The following ZNF837 variants were observed in gnomAD, a reference collection of about 807,000 sequenced individuals.
ZNF837 encodes the protein zinc finger protein 837.
For synonymous variants in ZNF837, 475 were observed against 365.2 expected, an observed-to-expected ratio of 1.30 and a Z score of -3.43; for missense variants, 955 against 801.7, an observed-to-expected ratio of 1.19 and a Z score of -2.31.
intron 1 of ZNF837, among the ~76,000 whole-genome samples, chr19:58,377,214 C>CAAAAAAA (rs59075033): frequency 1.1e-5 from 1 of 95,046 alleles, no homozygotes; most frequent in Non-Finnish European, 2.0e-5. Context: ...GAGACTCCGT[C>CAAAAAAA]AAAAAAAAAA....
chr19:58,375,870 G>A (rs1285923472), intron 1 of ZNF837, among the ~76,000 whole-genome samples: 1 of 151,592 alleles, frequency 6.6e-6, no homozygotes, highest in Non-Finnish European at 1.5e-5. Flanking sequence ...CTGGTCACAC[G>A]AAAGCACTGC....
At chr19:58,375,987 C>T (rs897907496) in intron 1 of ZNF837, among the ~76,000 whole-genome samples, 5 of 151,960 alleles carry the variant, frequency 3.3e-5, no homozygotes, top group South Asian at 2.1e-4. Context: ...GACACAATCT[C>T]GGCTCACTGC....
At chr19:58,371,897 A>G (rs987599256) in intron 1 of ZNF837, among the ~76,000 whole-genome samples, 6 of 146,276 alleles carry the variant, frequency 4.1e-5, no homozygotes, top group Non-Finnish European at 9.0e-5. Flanking sequence ...AATTTTTTGT[A>G]TTTTTAGTAG....
intron 1 of ZNF837, among the ~76,000 whole-genome samples, chr19:58,372,152 T>A (rs963874301): frequency 6.6e-6 from 1 of 152,082 alleles, no homozygotes; most frequent in African/African-American, 2.4e-5. Context: ...CCTCCTGGGT[T>A]CAAGCAATTC....
chr19:58,376,653 A>C (rs917840652), intron 1 of ZNF837, among the ~76,000 whole-genome samples: 1 of 151,856 alleles, frequency 6.6e-6, no homozygotes, highest in African/African-American at 2.4e-5. Context: ...TCTAGGTAAA[A>C]ATAAAATAAT....
chr19:58,369,599 C>G (rs2052181672), intron 2 of ZNF837: 1 of 353,278 alleles, frequency 2.8e-6, no homozygotes, highest in Non-Finnish European at 5.1e-6. Context: ...CACCGTTCCT[C>G]CCCAACACTA....
intron 1 of ZNF837, among the ~76,000 whole-genome samples, chr19:58,374,060 G>C (rs1324006758): frequency 6.6e-6 from 1 of 152,188 alleles, no homozygotes; most frequent in Non-Finnish European, 1.5e-5. Context: ...TGGCAAAAAA[G>C]AGGAAAGTAC....
In ZNF837 at chr19:58,368,661, G is replaced by C; in HGVS notation, c.672C>G (p.Pro224=). ...PQERLQATEE[P]RPCARCGKRF... ...GCTTCCCGCACCGGGCACACGGACG[G>C]GGCTCCTCCGTCGCCTGCAGCCTCT... Residue 224 remains proline (P), a synonymous_variant, in exon 3 of 3, where the codon CCC becomes CCG. Coordinates refer to ENST00000597582, the MANE Select transcript of ZNF837 (RefSeq NM_138466.2). 2.0e-6 allele frequency: 3 copies of C among 1,529,652 alleles called. No individual in the cohort carries two copies. The highest frequency in any genetic ancestry group is 1.8e-6 in the Non-Finnish European group (2 of 1,142,742). 94.8% of individuals were successfully genotyped at this position (1,529,652 alleles called of 1,614,324 possible).
At chr19:58,380,565 G>A (rs2052281489) in intron 1 of ZNF837, among the ~76,000 whole-genome samples, 1 of 152,260 alleles carries the variant, frequency 6.6e-6, no homozygotes, top group Admixed American at 6.5e-5. Flanking sequence ...AAAGTGCAAA[G>A]GCCAGGATGC....
chr19:58,370,952 G>A (rs1177512912), intron 1 of ZNF837, among the ~76,000 whole-genome samples: 2 of 147,510 alleles, frequency 1.4e-5, no homozygotes, highest in East Asian at 2.1e-4. Flanking sequence ...TGAAGGCCGG[G>A]GGGGGGGAGC....
rs59075033 is a variant in ZNF837 at position 58,377,214 on chromosome 19, C to CAAA, written c.-140+3724_-140+3726dup. On this transcript the variant is annotated intron_variant, in intron 1 of 2. Transcript: ENST00000597582. ...CCTGGGCGACAGAGCGAGACTCCGT[C>CAAA]AAAAAAAAAAAAAAAAGGCTGGGCG... Among the ~76,000 whole-genome samples, 281 of 94,992 alleles carry CAAA rather than the reference C, an allele frequency of 3.0e-3. 7 individuals are homozygous for CAAA. The highest frequency in any genetic ancestry group is 7.7e-3 in the Middle Eastern group (1 of 130). 62.3% of individuals were successfully genotyped at this position (94,992 alleles called of 152,430 possible).
rs1345568753 is a variant in ZNF837 at position 58,368,832 on chromosome 19, A to G, written c.501T>C (p.Cys167=). 1.0e-5 allele frequency: 16 copies of G among 1,546,740 alleles called. No homozygotes were observed. Among genetic ancestry groups the G allele is most frequent in the African/African-American group, 2.7e-5 (2 of 72,998 alleles). ...RTQLCEVHTD[C]WPCQPGTGAP... ...CGCCAGTCCCTGGTTGGCACGGCCAACAGTCCGTGTGGACCTCACACAGTT... is the reference window on the plus strand; with the variant it reads ...CGCCAGTCCCTGGTTGGCACGGCCAGCAGTCCGTGTGGACCTCACACAGTT... The change falls in exon 3 of 3, where the codon TGT becomes TGC. Residue 167 remains cysteine (C), a synonymous_variant. Transcript: ENST00000597582.
At position 58,377,378 on chromosome 19, in the gene ZNF837, G is replaced by A. The variant is rs571775089; in HGVS notation, c.-140+3563C>T. Among the ~76,000 whole-genome samples, 906 of 151,766 alleles carry A rather than the reference G, an allele frequency of 6.0e-3. 7 individuals are homozygous for A. Among genetic ancestry groups the A allele is most frequent in the African/African-American group, 0.02 (846 of 41,366 alleles). On this transcript the variant is annotated intron_variant, in intron 1 of 2. Transcript: ENST00000597582. ...AAAAATTAGCCAGGTGTGGTGGTGG[G>A]CGCCTGCAGGAGAATGGTGTGAACC...
chr19:58,370,553 G>A (rs565696724), intron 1 of ZNF837, among the ~76,000 whole-genome samples: 25 of 152,284 alleles, frequency 1.6e-4, no homozygotes, highest in Non-Finnish European at 3.2e-4. Flanking sequence ...ATACACACAC[G>A]TGCATATATA....
chr19:58,380,223 T>C (rs2052278984), intron 1 of ZNF837, among the ~76,000 whole-genome samples: 1 of 152,302 alleles, frequency 6.6e-6, no homozygotes, highest in South Asian at 2.1e-4. Context: ...CATCATGCAC[T>C]GTACAGCAGA....
At chr19:58,376,919 A>T (rs1282058542) in intron 1 of ZNF837, among the ~76,000 whole-genome samples, 1 of 36,076 alleles carries the variant, frequency 2.8e-5, no homozygotes, top group East Asian at 9.1e-4. Flanking sequence ...GTCTCTATTA[A>T]AAAAAAAAAA....
At chr19:58,379,997 A>AAAC (rs72009505) in intron 1 of ZNF837, among the ~76,000 whole-genome samples, 1,907 of 143,700 alleles carry the variant, frequency 0.013, 12 homozygotes, top group Non-Finnish European at 0.017. Flanking sequence ...CTCCGTCTCA[A>AAAC]AACAACAACA....
In ZNF837 at chr19:58,369,320, C is replaced by T; in HGVS notation, c.13G>A (p.Ala5Thr). The T allele has an allele frequency of 1.5e-6, 2 of 1,366,356 alleles. No homozygotes were observed. Among genetic ancestry groups the T allele is most frequent in the Non-Finnish European group, 1.9e-6 (2 of 1,064,988 alleles). 84.6% of individuals were successfully genotyped at this position (1,366,356 alleles called of 1,614,324 possible). A position where few individuals can be genotyped will look rare whatever the true frequency, so the allele number is the denominator to read the frequency against. ...AGTCCTCCCTGCCCAGCCTTCTGGG[C>T]TGGAGCCTCCATCCTGGGGCGCAGA... is the stretch of plus-strand genomic sequence containing the variant. MEAPAQKAGQGGLPK... is the reference protein window; with the variant it reads MEAPTQKAGQGGLPK... The change falls in exon 3 of 3, where the codon GCC becomes ACC. Residue 5 changes from alanine to threonine, a missense_variant. By Grantham distance (58) the Ala-to-Thr change is moderately conservative (BLOSUM62 0). Transcript: ENST00000597582.
At position 58,368,052 on chromosome 19, in the gene ZNF837, G is replaced by C. The variant is rs996003170; in HGVS notation, c.1281C>G (p.Ala427=). The C allele has an allele frequency of 2.6e-6, 4 of 1,541,110 alleles. No homozygotes were observed. Among genetic ancestry groups the C allele is most frequent in the Non-Finnish European group, 3.5e-6 (4 of 1,147,232 alleles). ...GCACCAGGCCCGAGCGGCCCTTGAA[G>C]GCCTTTTCGCACAGTGGGCACGCGT... ...KPYACPLCEK[A]FKGRSGLVQH... Residue 427 remains alanine, a synonymous_variant, in exon 3 of 3, where the codon GCC becomes GCG. Transcript: ENST00000597582.
Sources: gnomAD v4.1 joint callset for allele counts (sites outside exome capture counted in the v4.1 genomes callset) on GRCh38, gnomAD v4.1.1 for gene constraint, MANE v1.5 for transcripts, NCBI Gene and HGNC (gene_info 2026-07-23, HGNC 2026-07-21) for gene names.